Variants in DOCK7 observed in about 807,000 individuals in gnomAD.
The protein encoded by DOCK7 is dedicator of cytokinesis protein 7.
In DOCK7, 138 loss-of-function variants were observed where a neutral mutation model predicts 271.0. The ratio of observed to expected loss-of-function variants is 0.51; its 90% CI spans 0.44 to 0.59. The LOEUF (loss-of-function observed/expected upper bound fraction) is 0.59. DOCK7 is among the 20% of genes least tolerant of loss of function. DOCK7 has a pLI of 0.00. For synonymous variants in DOCK7, 823 were observed against 876.1 expected (o/e 0.94, Z 1.07); for missense variants, 2,066 against 2,592.4 (o/e 0.80, Z 4.41).
At chr1:62,470,523 CA>C (rs1645800967) in intron 48 of DOCK7, among the ~76,000 whole-genome samples, 1 of 152,068 alleles carries the variant, frequency 6.6e-6, no homozygotes, top group Non-Finnish European at 1.5e-5. Flanking sequence ...CAAAATCTCA[CA>C]AATCACTTCT....
intron 2 of DOCK7, among the ~76,000 whole-genome samples, chr1:62,657,273 T>C (rs1056698121): frequency 5.3e-5 from 8 of 152,148 alleles, no homozygotes; most frequent in African/African-American, 1.9e-4. Flanking sequence ...TGTGGTCCAG[T>C]AGAAGTGGGA....
Position 62,494,669 on chromosome 1 carries a change from G to GC in DOCK7, c.5025-203_5025-202insG, listed in dbSNP as rs369588166. On this transcript the variant is annotated intron_variant, in intron 39 of 49. Transcript: ENST00000635253. ...GAATGGATAATATCAGTTGGTGGGGGGGGCAGGAGGGGCAAAAAAGAAATA... is the reference window on the plus strand; with the variant it reads ...GAATGGATAATATCAGTTGGTGGGGGCGGGCAGGAGGGGCAAAAAAGAAATA... 1.1e-5 allele frequency: 4 copies of GC among 371,684 alleles called. No homozygotes were observed. In the South Asian group the frequency reaches 5.7e-4, roughly 53 times the overall value. The allele number at this position is 371,684 out of a possible 1,614,324, so 23.0% of individuals were successfully genotyped here. A position where few individuals can be genotyped will look rare whatever the true frequency, so the allele number is the denominator to read the frequency against.
intron 48 of DOCK7, among the ~76,000 whole-genome samples, chr1:62,472,075 A>G (rs1004373780): frequency 2.0e-5 from 3 of 151,814 alleles, no homozygotes; most frequent in Non-Finnish European, 4.4e-5. Flanking sequence ...ATGTAGTTTT[A>G]TTTTTGTTGC....
At chr1:62,593,495 A>G (rs1009469496) in intron 14 of DOCK7, among the ~76,000 whole-genome samples, 1 of 152,074 alleles carries the variant, frequency 6.6e-6, no homozygotes, top group African/African-American at 2.4e-5. Flanking sequence ...GCTTGAACCC[A>G]GGAGGGGGAA....
chr1:62,630,373 AC>A (rs1230991028), intron 11 of DOCK7, among the ~76,000 whole-genome samples: 1 of 151,844 alleles, frequency 6.6e-6, no homozygotes, highest in Non-Finnish European at 1.5e-5. Flanking sequence ...CCCTCAGTAA[AC>A]CCTATGTCTC....
At chr1:62,497,062 A>G (rs1646644664) in intron 37 of DOCK7, among the ~76,000 whole-genome samples, 2 of 152,142 alleles carry the variant, frequency 1.3e-5, no homozygotes, top group South Asian at 4.1e-4. Context: ...TATTGGTGAT[A>G]ATATATCAAT....
At chr1:62,586,213 T>A (rs972998709) in intron 15 of DOCK7, among the ~76,000 whole-genome samples, 1 of 152,200 alleles carries the variant, frequency 6.6e-6, no homozygotes, top group Non-Finnish European at 1.5e-5. Flanking sequence ...CTAGGTGATC[T>A]AACCCTCTTT....
At chr1:62,553,959 C>CT (rs1646048948) in intron 21 of DOCK7, among the ~76,000 whole-genome samples, 1 of 152,050 alleles carries the variant, frequency 6.6e-6, no homozygotes, top group Admixed American at 6.6e-5. Context: ...ACCTCTCCTA[C>CT]TCTGCCCCTT....
chr1:62,462,020 G>A (rs936613035), intron 48 of DOCK7, among the ~76,000 whole-genome samples: 1 of 150,602 alleles, frequency 6.6e-6, no homozygotes, highest in Admixed American at 6.6e-5. Context: ...GCAGTGAGCC[G>A]AGATCTTGCC....
chr1:62,596,194 C>G (rs1390486824), intron 14 of DOCK7, among the ~76,000 whole-genome samples: 2 of 152,020 alleles, frequency 1.3e-5, no homozygotes, highest in Non-Finnish European at 2.9e-5. Context: ...GTTAAATTAT[C>G]ATAACACTAT....
At chr1:62,685,642 A>G (rs1238432789) in intron 1 of DOCK7, among the ~76,000 whole-genome samples, 1 of 152,214 alleles carries the variant, frequency 6.6e-6, no homozygotes, top group East Asian at 1.9e-4. Flanking sequence ...AACCAAATAG[A>G]TATTTCTCTC....
In DOCK7 at chr1:62,474,024, T is replaced by C. The variant is rs1324275597; in HGVS notation, c.6170A>G (p.His2057Arg). The C allele has an allele frequency of 1.9e-6, 3 of 1,614,114 alleles. No homozygotes were observed. The highest frequency in any genetic ancestry group is 3.3e-5 in the Admixed American group (2 of 60,012). Residue 2057 changes from histidine (H) to arginine (R), a missense_variant, in exon 48 of 50, where the codon CAT (histidine) becomes CGT (arginine). Physicochemically the swap from His to Arg is conservative, Grantham distance 29. Coordinates refer to ENST00000635253, the MANE Select transcript of DOCK7 (RefSeq NM_001367561.1). ...AAAGCAGAGTCGCAGTTTATTATGA[T>C]GTCTGAAGAGCTTTGGGTCACTAGG... Reference protein sequence around the residue: ...EIPSDPKLFRHHNKLRLCFKD... With the variant: ...EIPSDPKLFRRHNKLRLCFKD...
At chr1:62,670,310 C>T (rs1385448379) in intron 1 of DOCK7, among the ~76,000 whole-genome samples, 7 of 152,284 alleles carry the variant, frequency 4.6e-5, no homozygotes. Flanking sequence ...GCTCCACCTG[C>T]AGCCCTGGTG....
intron 31 of DOCK7, among the ~76,000 whole-genome samples, chr1:62,517,753 C>A (rs1442837990): frequency 6.6e-6 from 1 of 152,124 alleles, no homozygotes. Context: ...TTCTTCATTG[C>A]TAGAAGGAAT....
intron 1 of DOCK7, among the ~76,000 whole-genome samples, chr1:62,668,258 C>T (rs954285961): frequency 9.2e-5 from 14 of 152,070 alleles, no homozygotes; most frequent in Admixed American, 5.2e-4. Flanking sequence ...AAATCTCTTA[C>T]GGGTCAATGT....
At chr1:62,496,647 A>T in intron 37 of DOCK7, 150 bp from the exon 38 acceptor site, 2 of 736,162 alleles carry the variant, frequency 2.7e-6, no homozygotes, top group East Asian at 2.9e-5. Context: ...TCAAAATCTT[A>T]TTTTAGAAAG....
At chr1:62,473,565 GCTTTT>G (rs1175496303) in intron 48 of DOCK7, among the ~76,000 whole-genome samples, 3 of 151,846 alleles carry the variant, frequency 2.0e-5, no homozygotes, top group Non-Finnish European at 2.9e-5. Flanking sequence ...ATTGTCAACC[GCTTTT>G]CTGTTTTTTT....
chr1:62,538,103 A>G, intron 27 of DOCK7, 42 bp from the exon 28 acceptor site: 1 of 1,577,038 alleles, frequency 6.3e-7, no homozygotes, highest in East Asian at 2.3e-5. Flanking sequence ...AATTGAATCT[A>G]TTATTTCTTT....
intron 33 of DOCK7, among the ~76,000 whole-genome samples, 175 bp downstream of exon 33, chr1:62,513,269 G>GGGGGA (rs1571353641): frequency 7.6e-6 from 1 of 130,836 alleles, no homozygotes. Context: ...GGGGGGGGCG[G>GGGGGA]TATGCTGACT....
Sources: allele counts gnomAD v4.1 joint callset (sites outside exome capture counted in the v4.1 genomes callset), GRCh38; gene constraint gnomAD v4.1.1; transcripts MANE v1.5; gene names NCBI Gene and HGNC (gene_info 2026-07-23, HGNC 2026-07-21).